Variants in ZNF469 observed in about 807,000 individuals in gnomAD.
ZNF469 encodes the protein zinc finger protein 469.
In ZNF469, 1 loss-of-function variant was observed where a neutral mutation model predicts 1.0. The ratio of observed to expected loss-of-function variants is 1.00; its 90% CI spans 0.35 to 4.73. ZNF469 has a LOEUF of 4.73. Ranked by LOEUF, ZNF469 falls within the 30% of genes most tolerant of loss-of-function variation. The pLI, the probability that ZNF469 is intolerant of heterozygous loss-of-function variation, is 0.16. For synonymous variants in ZNF469, 2,703 were observed against 2,363.4 expected (o/e 1.14, Z -4.17); for missense variants, 6,100 against 5,356.3 (o/e 1.14, Z -4.33).
chr16:88,257,803 G>A, the ZNF469 span, among the ~76,000 whole-genome samples: 1 of 152,208 alleles, frequency 6.6e-6, no homozygotes, highest in African/African-American at 2.4e-5. Context: ...AGGAACCCCA[G>A]ACCATGCTTC....
chr16:88,133,118 G>A, the ZNF469 span, among the ~76,000 whole-genome samples: 1 of 152,216 alleles, frequency 6.6e-6, no homozygotes, highest in Non-Finnish European at 1.5e-5. Context: ...CACTGCCTGC[G>A]ATCAACATCA....
At chr16:88,394,546 C>T (rs999509409) in intron 1 of ZNF469, among the ~76,000 whole-genome samples, 2 of 152,202 alleles carry the variant, frequency 1.3e-5, no homozygotes, top group African/African-American at 4.8e-5. Context: ...AAGAGGTGCC[C>T]GTGGCCAGGC....
the ZNF469 span, chr16:88,294,627 A>G: frequency 6.6e-6 from 1 of 152,234 alleles, no homozygotes; most frequent in South Asian, 2.1e-4. Context: ...AACCCTGAGT[A>G]TCCTTGAGTC....
the ZNF469 span, among the ~76,000 whole-genome samples, chr16:88,208,973 G>A: frequency 1.3e-5 from 2 of 151,876 alleles, no homozygotes; most frequent in African/African-American, 4.8e-5. Context: ...AGAATAAACA[G>A]AAAATAGTTT....
chr16:88,376,035 GA>G, the ZNF469 span, among the ~76,000 whole-genome samples: 3 of 152,254 alleles, frequency 2.0e-5, no homozygotes, highest in African/African-American at 7.2e-5. Flanking sequence ...GTATGGAAAA[GA>G]AAACCCGCGT....
chr16:88,378,141 G>C (rs973235859), upstream of ZNF469, among the ~76,000 whole-genome samples: 3 of 152,150 alleles, frequency 2.0e-5, no homozygotes, highest in Non-Finnish European at 2.9e-5. Flanking sequence ...CTAGGGGCCA[G>C]CTCTGCCCTC....
At chr16:88,297,391 G>T in the ZNF469 span, among the ~76,000 whole-genome samples, 4 of 152,204 alleles carry the variant, frequency 2.6e-5, no homozygotes, top group African/African-American at 9.6e-5. Flanking sequence ...GCTTTCCTTG[G>T]CTTCTCTCCA....
chr16:88,231,353 A>G, the ZNF469 span, among the ~76,000 whole-genome samples: 1 of 152,212 alleles, frequency 6.6e-6, no homozygotes, highest in Non-Finnish European at 1.5e-5. This position sits in a 1 kb window ranked among gnomAD's most constrained non-coding sequence, Gnocchi z 4.5. Context: ...GAGAAGCCCC[A>G]TCGCCCTAAG....
At position 88,427,941 on chromosome 16, in the gene ZNF469, G is replaced by C. The variant is rs545236998; in HGVS notation, c.471G>C (p.Gly157=). 60 of 1,549,920 alleles carry C rather than the reference G, an allele frequency of 3.9e-5. 2 individuals carry two copies. In the South Asian group the frequency reaches 6.8e-4, roughly 18 times the overall value. Residue 157 remains glycine, a synonymous_variant, in exon 3 of 3, where the codon GGG becomes GGC. Coordinates refer to ENST00000565624, the MANE Select transcript of ZNF469 (RefSeq NM_001367624.2). ...AGGTGGACACCCCCCAGGGCCCTGGGACTGGAGCTCCACTCAGGCCGGGCC... is the reference window on the plus strand; with the variant it reads ...AGGTGGACACCCCCCAGGGCCCTGGCACTGGAGCTCCACTCAGGCCGGGCC... ...LPEVDTPQGP[G]TGAPLRPGLP...
chr16:88,229,310 G>A, the ZNF469 span, among the ~76,000 whole-genome samples: 2 of 152,208 alleles, frequency 1.3e-5, no homozygotes, highest in Admixed American at 1.3e-4. Context: ...CCCGTCAGGC[G>A]GCAGGAACCT....
the ZNF469 span, among the ~76,000 whole-genome samples, chr16:88,283,793 C>A: frequency 1.3e-5 from 2 of 151,778 alleles, no homozygotes; most frequent in Non-Finnish European, 2.9e-5. Flanking sequence ...GGCTGGTAGA[C>A]CCCCAGTGTG....
In ZNF469 at chr16:88,427,462, G is replaced by A. The variant is rs774913036; in HGVS notation, c.-9G>A. ...AGCTGCGTCGTCCTAGCGCCAGGAC[G>A]GAGGGGCCATGCCTGGGGAGCGCCC... On this transcript the variant is annotated 5_prime_UTR_variant, in exon 3 of 3. Coordinates refer to ENST00000565624, the MANE Select transcript of ZNF469 (RefSeq NM_001367624.2). The A allele has an allele frequency of 2.9e-5, 43 of 1,494,922 alleles. No individual in the cohort carries two copies. Among genetic ancestry groups the A allele is most frequent in the Admixed American group, 6.4e-5 (3 of 46,782 alleles). 92.6% of individuals were successfully genotyped at this position (1,494,922 alleles called of 1,614,324 possible).
chr16:88,103,434 G>C, the ZNF469 span, among the ~76,000 whole-genome samples: 2 of 152,238 alleles, frequency 1.3e-5, no homozygotes, highest in Non-Finnish European at 2.9e-5. Flanking sequence ...CAGAAACTCA[G>C]AAATGCTTCC....
the ZNF469 span, among the ~76,000 whole-genome samples, chr16:88,307,795 T>C: frequency 6.6e-6 from 1 of 152,226 alleles, no homozygotes; most frequent in Non-Finnish European, 1.5e-5. Context: ...CTGGGTTACC[T>C]TTTCACTTTC....
intron 2 of ZNF469, among the ~76,000 whole-genome samples, chr16:88,426,957 C>A (rs919884043): frequency 6.6e-6 from 1 of 152,174 alleles, no homozygotes; most frequent in African/African-American, 2.4e-5. Flanking sequence ...TGGGGCAGTT[C>A]CTGCAGGCTG....
At chr16:88,402,060 A>T (rs1904896271) in intron 1 of ZNF469, among the ~76,000 whole-genome samples, 1 of 143,254 alleles carries the variant, frequency 7.0e-6, no homozygotes, top group Non-Finnish European at 1.5e-5. Context: ...GCATGGATGG[A>T]TGGATGGATG....
the ZNF469 span, among the ~76,000 whole-genome samples, chr16:88,199,281 G>A: frequency 6.6e-6 from 1 of 152,244 alleles, no homozygotes; most frequent in Non-Finnish European, 1.5e-5. Flanking sequence ...GGCAGGAACA[G>A]GTTAGAGCCA....
chr16:88,379,068 C>T (rs1325893029), upstream of ZNF469, among the ~76,000 whole-genome samples: 2 of 152,192 alleles, frequency 1.3e-5, no homozygotes, highest in East Asian at 1.9e-4. Context: ...GGAGGCTTCT[C>T]GTGCCTCCCC....
At chr16:88,113,594 C>G in the ZNF469 span, among the ~76,000 whole-genome samples, 8 of 152,178 alleles carry the variant, frequency 5.3e-5, no homozygotes, top group Non-Finnish European at 1.2e-4. Context: ...GAAGGCCATG[C>G]TTTTTGGGTC....
Sources: allele counts gnomAD v4.1 joint callset (sites outside exome capture counted in the v4.1 genomes callset), GRCh38; gene constraint gnomAD v4.1.1; non-coding constraint Gnocchi (gnomAD v3.1); transcripts MANE v1.5; gene names NCBI Gene and HGNC (gene_info 2026-07-23, HGNC 2026-07-21).